SNTG1: variants seen among roughly 807,000 people sequenced by gnomAD.
SNTG1 encodes syntrophin gamma 1.
Under a neutral mutation model 74.7 loss-of-function variants are expected in SNTG1, and 39 were observed. The ratio of observed to expected loss-of-function variants is 0.52; its 90% CI spans 0.40 to 0.68. The LOEUF is 0.68. SNTG1 is among the 30% of genes least tolerant of loss of function. SNTG1 has a pLI of 0.00. For synonymous variants in SNTG1, 254 were observed against 217.1 expected (o/e 1.17, Z -1.49); for missense variants, 685 against 609.5 (o/e 1.12, Z -1.30).
chr8:50,096,019 G>A (rs894039241), intron 1 of SNTG1, among the ~76,000 whole-genome samples: 1 of 151,752 alleles, frequency 6.6e-6, no homozygotes, highest in Non-Finnish European at 1.5e-5. Context: ...ACATTTTTAA[G>A]GTCAATAGAG....
intron 12 of SNTG1, among the ~76,000 whole-genome samples, chr8:50,559,563 T>C (rs1229366381): frequency 6.6e-6 from 1 of 152,094 alleles, no homozygotes; most frequent in Admixed American, 6.6e-5. Flanking sequence ...ATTCTAAAGA[T>C]ATTGGAAGAT....
chr8:49,915,590 G>A (rs566423949), intron 1 of SNTG1, among the ~76,000 whole-genome samples: 1 of 152,148 alleles, frequency 6.6e-6, no homozygotes, highest in Non-Finnish European at 1.5e-5. Flanking sequence ...GTTGACCTGA[G>A]TCTATTTCAA....
chr8:50,422,239 G>A (rs1329896469), intron 4 of SNTG1, among the ~76,000 whole-genome samples: 2 of 35,494 alleles, frequency 5.6e-5, no homozygotes. Flanking sequence ...TCCTTCAACA[G>A]CGATCTATCT....
At chr8:50,363,069 G>A (rs2092005708) in intron 2 of SNTG1, among the ~76,000 whole-genome samples, 1 of 152,008 alleles carries the variant, frequency 6.6e-6, no homozygotes, top group Non-Finnish European at 1.5e-5. Context: ...TATTTTGTTT[G>A]TTTTATATTT....
At chr8:50,089,581 C>G (rs2131146552) in intron 1 of SNTG1, among the ~76,000 whole-genome samples, 1 of 152,218 alleles carries the variant, frequency 6.6e-6, no homozygotes, top group South Asian at 2.1e-4. Context: ...ACAACCCCAT[C>G]AAAAAGTGGG....
chr8:50,161,519 T>C (rs1586539593), intron 1 of SNTG1, among the ~76,000 whole-genome samples: 2 of 152,126 alleles, frequency 1.3e-5, no homozygotes, highest in East Asian at 1.9e-4. Flanking sequence ...AAAGGCTAAC[T>C]TTCAGTGTCC....
At chr8:50,724,665 A>G (rs1005493344) in intron 17 of SNTG1, among the ~76,000 whole-genome samples, 2 of 152,142 alleles carry the variant, frequency 1.3e-5, no homozygotes, top group African/African-American at 4.8e-5. Context: ...GTTGAGATGC[A>G]ATTATGAATG....
At chr8:49,922,598 T>C (rs756339733) in intron 1 of SNTG1, among the ~76,000 whole-genome samples, 6 of 152,032 alleles carry the variant, frequency 3.9e-5, no homozygotes, top group Admixed American at 1.3e-4. Context: ...ACAAAGGAGA[T>C]GATCCCTACC....
chr8:50,438,037 T>C (rs2093322267), intron 4 of SNTG1, among the ~76,000 whole-genome samples: 1 of 152,200 alleles, frequency 6.6e-6, no homozygotes, highest in African/African-American at 2.4e-5. Context: ...GGACTTGGTT[T>C]ATTCACTTTC....
intron 2 of SNTG1, among the ~76,000 whole-genome samples, chr8:50,200,049 G>T (rs918979879): frequency 2.6e-5 from 4 of 152,086 alleles, no homozygotes; most frequent in Admixed American, 2.6e-4. Context: ...TTACCTTCAT[G>T]TGCCTACCTG....
intron 2 of SNTG1, among the ~76,000 whole-genome samples, chr8:50,236,322 A>T (rs76042389): frequency 0.014 from 2,116 of 152,258 alleles, 50 homozygotes; most frequent in African/African-American, 0.048. Flanking sequence ...ATTTCTAATT[A>T]GTGTCTTAGT....
At chr8:50,473,300 G>T (rs1419414567) in intron 8 of SNTG1, among the ~76,000 whole-genome samples, 1 of 152,042 alleles carries the variant, frequency 6.6e-6, no homozygotes, top group Admixed American at 6.6e-5. Context: ...TTCACCTTCT[G>T]CTATAACTGT....
intron 4 of SNTG1, among the ~76,000 whole-genome samples, chr8:50,409,765 T>G (rs1013648440): frequency 2.0e-5 from 3 of 152,208 alleles, no homozygotes; most frequent in African/African-American, 7.2e-5. Flanking sequence ...TTTTAAATAT[T>G]GACGAAATAT....
chr8:50,325,381 TA>T (rs2090703919), intron 2 of SNTG1, among the ~76,000 whole-genome samples: 1 of 152,074 alleles, frequency 6.6e-6, no homozygotes. Context: ...TAGTTGTTTT[TA>T]AATTAATTTC....
At position 50,296,233 on chromosome 8, in the gene SNTG1, T is replaced by C. The variant is rs577417121; in HGVS notation, c.-27-97979T>C. On this transcript the variant is annotated intron_variant, in intron 2 of 18. Coordinates refer to ENST00000642720, the MANE Select transcript of SNTG1 (RefSeq NM_018967.5). ...TTCCTCAAGGATATAGAACCAGAAA[T>C]ACTATTTGACCCAGCAATCCCATTA... Among the ~76,000 whole-genome samples the C allele has an allele frequency of 2.0e-5, 3 of 152,216 alleles. No homozygotes were observed. The East Asian group carries it at 5.8e-4, about 30-fold the overall frequency.
At chr8:50,369,038 C>T (rs773156850) in intron 2 of SNTG1, among the ~76,000 whole-genome samples, 1 of 152,050 alleles carries the variant, frequency 6.6e-6, no homozygotes, top group African/African-American at 2.4e-5. Flanking sequence ...TGGCCTTTAA[C>T]CTTTAGAGTT....
intron 18 of SNTG1, among the ~76,000 whole-genome samples, chr8:50,778,390 C>A (rs1213470552): frequency 3.3e-5 from 5 of 152,074 alleles, no homozygotes; most frequent in Admixed American, 2.6e-4. Context: ...TTAATGATTG[C>A]CATTCTAACT....
chr8:50,674,709 A>G (rs992979516), intron 15 of SNTG1, among the ~76,000 whole-genome samples: 16 of 151,660 alleles, frequency 1.1e-4, no homozygotes, highest in African/African-American at 3.9e-4. Context: ...TCTGCTAACT[A>G]TTGAATTAGT....
At chr8:50,722,775 C>G (rs776904762) in intron 17 of SNTG1, among the ~76,000 whole-genome samples, 1 of 152,060 alleles carries the variant, frequency 6.6e-6, no homozygotes, top group Non-Finnish European at 1.5e-5. Flanking sequence ...TTCATCTTTA[C>G]TTTCAGGTTT....
Sources: allele counts gnomAD v4.1 joint callset (sites outside exome capture counted in the v4.1 genomes callset), GRCh38; gene constraint gnomAD v4.1.1; transcripts MANE v1.5; gene names NCBI Gene and HGNC (gene_info 2026-07-23, HGNC 2026-07-21).